RASGRF2: variants seen among roughly 807,000 people sequenced by gnomAD.
The protein encoded by RASGRF2 is ras-specific guanine nucleotide-releasing factor 2.
Under a neutral mutation model 151.0 loss-of-function variants are expected in RASGRF2, and 76 were observed. That is an observed-to-expected ratio of 0.50 (90% CI 0.42 to 0.61). RASGRF2 has a LOEUF of 0.61. Among genes scored for constraint, RASGRF2 ranks in the 20% least tolerant of loss-of-function variants. The pLI is 0.00. For missense variants in RASGRF2, 1,148 were observed against 1,564.6 expected, an observed-to-expected ratio of 0.73 and a Z score of 4.49; for synonymous variants, 504 against 566.5, an observed-to-expected ratio of 0.89 and a Z score of 1.57.
intron 1 of RASGRF2, among the ~76,000 whole-genome samples, chr5:80,969,377 G>GCC (rs201931224): frequency 1.3e-5 from 2 of 150,362 alleles, no homozygotes; most frequent in African/African-American, 4.9e-5. Context: ...CTTGTGATCT[G>GCC]CCCCCCTTGG....
At chr5:81,148,400 TGA>T (rs765060078) in intron 17 of RASGRF2, among the ~76,000 whole-genome samples, 2 of 152,218 alleles carry the variant, frequency 1.3e-5, no homozygotes, top group Non-Finnish European at 2.9e-5. Context: ...AAGAAAGCTC[TGA>T]GAACTGCCTT....
At chr5:81,001,613 A>G (rs1000939528) in intron 1 of RASGRF2, among the ~76,000 whole-genome samples, 5 of 152,208 alleles carry the variant, frequency 3.3e-5, no homozygotes, top group African/African-American at 1.2e-4. Context: ...TTGAAAGGAT[A>G]TAATGTGAAT....
intron 12 of RASGRF2, among the ~76,000 whole-genome samples, chr5:81,106,644 C>T (rs1752854835): frequency 6.6e-6 from 1 of 152,174 alleles, no homozygotes; most frequent in South Asian, 2.1e-4. Context: ...AAACAGGGCC[C>T]TTGATGTGTA....
chr5:81,046,616 G>A (rs1750844469), intron 2 of RASGRF2, among the ~76,000 whole-genome samples: 1 of 152,062 alleles, frequency 6.6e-6, no homozygotes. Context: ...TTTCATAGTA[G>A]TTAAGTCTAT....
At chr5:81,214,387 C>A (rs1295901919) in intron 23 of RASGRF2, among the ~76,000 whole-genome samples, 2 of 152,318 alleles carry the variant, frequency 1.3e-5, no homozygotes, top group Non-Finnish European at 2.9e-5. Context: ...GGCCTGGTTG[C>A]AGATATACCC....
chr5:80,982,030 T>C (rs1748318006), intron 1 of RASGRF2, among the ~76,000 whole-genome samples: 1 of 152,256 alleles, frequency 6.6e-6, no homozygotes, highest in Non-Finnish European at 1.5e-5. Flanking sequence ...ACTAGAGTGA[T>C]ATGGCTTATG....
At chr5:81,018,113 AAAAGAAAG>A (rs532836478) in intron 1 of RASGRF2, among the ~76,000 whole-genome samples, 9 of 151,990 alleles carry the variant, frequency 5.9e-5, no homozygotes, top group South Asian at 2.1e-4. Context: ...TCTCAAAAAA[AAAAGAAAG>A]AAAGAAAGAA....
intron 17 of RASGRF2, among the ~76,000 whole-genome samples, chr5:81,157,292 G>A (rs1034133172): frequency 1.3e-5 from 2 of 150,896 alleles, no homozygotes; most frequent in African/African-American, 2.4e-5. Flanking sequence ...GAGGCGGGAG[G>A]TTGCAGTGAG....
chr5:81,220,868 G>T (rs1237497678), intron 26 of RASGRF2, among the ~76,000 whole-genome samples: 1 of 152,268 alleles, frequency 6.6e-6, no homozygotes, highest in East Asian at 1.9e-4. Flanking sequence ...GACACCACAT[G>T]TCATTTAATT....
At chr5:81,022,232 C>G (rs976509116) in intron 1 of RASGRF2, among the ~76,000 whole-genome samples, 1 of 152,176 alleles carries the variant, frequency 6.6e-6, no homozygotes, top group Non-Finnish European at 1.5e-5. Context: ...AGTGAATTCT[C>G]TCCCAGGTCT....
chr5:81,020,830 T>C (rs1182577688), intron 1 of RASGRF2, among the ~76,000 whole-genome samples: 3 of 152,166 alleles, frequency 2.0e-5, no homozygotes, highest in Non-Finnish European at 1.5e-5. Context: ...TTGTTAAGTG[T>C]CTACTGGGTG....
intron 17 of RASGRF2, among the ~76,000 whole-genome samples, chr5:81,162,925 C>T (rs754980202): frequency 6.6e-6 from 1 of 151,914 alleles, no homozygotes; most frequent in Non-Finnish European, 1.5e-5. Context: ...CCAGGCTGGG[C>T]ATCTAGGAAT....
At chr5:80,998,235 A>T (rs187637033) in intron 1 of RASGRF2, among the ~76,000 whole-genome samples, 1 of 152,172 alleles carries the variant, frequency 6.6e-6, no homozygotes, top group Non-Finnish European at 1.5e-5. Context: ...TCCCAATTTT[A>T]TAACTTTTAA....
intron 17 of RASGRF2, among the ~76,000 whole-genome samples, chr5:81,166,715 C>T (rs1384738501): frequency 6.6e-6 from 1 of 152,030 alleles, no homozygotes; most frequent in East Asian, 1.9e-4. Flanking sequence ...GTATCAGATG[C>T]ATGGTGGGCA....
chr5:81,029,406 C>T (rs1022329269), intron 1 of RASGRF2, among the ~76,000 whole-genome samples: 4 of 152,234 alleles, frequency 2.6e-5, no homozygotes, highest in Non-Finnish European at 5.9e-5. Context: ...CCAGTAGGGG[C>T]TGACTGACAC....
At chr5:81,082,934 C>G (rs998110840) in intron 7 of RASGRF2, among the ~76,000 whole-genome samples, 2 of 152,166 alleles carry the variant, frequency 1.3e-5, no homozygotes, top group African/African-American at 4.8e-5. Flanking sequence ...AGTTCTGTGC[C>G]CAAGGGCCTT....
At chr5:81,176,593 G>A (rs538401807) in intron 17 of RASGRF2, among the ~76,000 whole-genome samples, 4 of 152,194 alleles carry the variant, frequency 2.6e-5, no homozygotes, top group African/African-American at 9.6e-5. Context: ...ACATGTGGAC[G>A]GTTTGTGCGT....
At chr5:81,056,053 T>G (rs1751198092) in intron 2 of RASGRF2, among the ~76,000 whole-genome samples, 1 of 152,188 alleles carries the variant, frequency 6.6e-6, no homozygotes, top group Non-Finnish European at 1.5e-5. Context: ...GGTCTATCAA[T>G]TTTGTTGATC....
chr5:81,136,131 A>T (rs1753747593), intron 17 of RASGRF2, among the ~76,000 whole-genome samples: 1 of 152,172 alleles, frequency 6.6e-6, no homozygotes, highest in Non-Finnish European at 1.5e-5. Context: ...TGCCTGCCTC[A>T]GCCTCCCGAC....
Sources: gnomAD v4.1 joint callset for allele counts (sites outside exome capture counted in the v4.1 genomes callset) on GRCh38, gnomAD v4.1.1 for gene constraint, MANE v1.5 for transcripts, NCBI Gene and HGNC (gene_info 2026-07-23, HGNC 2026-07-21) for gene names.